Variants in SLC15A3 observed in about 807,000 individuals in gnomAD.
SLC15A3 encodes solute carrier family 15 member 3.
Under a neutral mutation model 49.2 loss-of-function variants are expected in SLC15A3, and 39 were observed. That is an observed-to-expected ratio of 0.79 (90% CI 0.61 to 1.04). SLC15A3 has a LOEUF of 1.04. SLC15A3 is among the 50% of genes least tolerant of loss of function. SLC15A3 has a pLI of 0.00. For missense variants in SLC15A3, 758 were observed against 794.8 expected (o/e 0.95, Z 0.56); for synonymous variants, 339 against 367.0 (o/e 0.92, Z 0.87).
chr11:60,949,974 C>T (rs532864259), intron 1 of SLC15A3, among the ~76,000 whole-genome samples: 20 of 152,202 alleles, frequency 1.3e-4, no homozygotes, highest in Admixed American at 2.6e-4. Flanking sequence ...GTCTAATATC[C>T]CACTGGGAAC....
chr11:60,938,978 C>A (rs139908697), intron 6 of SLC15A3, among the ~76,000 whole-genome samples: 2 of 152,196 alleles, frequency 1.3e-5, no homozygotes, highest in African/African-American at 4.8e-5. Context: ...AGCCTTGCAG[C>A]TCTAGCTCCC....
At chr11:60,941,874 C>T in intron 4 of SLC15A3, 161 bp downstream of exon 4, 1 of 688,984 alleles carries the variant, frequency 1.5e-6, no homozygotes, top group East Asian at 2.6e-5. Context: ...GATCCCTGCG[C>T]TGTGACACAA....
intron 7 of SLC15A3, chr11:60,937,653 G>A (rs1336481285): frequency 3.3e-5 from 23 of 693,746 alleles, no homozygotes; most frequent in Non-Finnish European, 5.3e-5. Context: ...GCAGAAAGGA[G>A]CCTTGGAGGT....
intron 6 of SLC15A3, among the ~76,000 whole-genome samples, chr11:60,938,554 T>C (rs1856660137): frequency 6.6e-6 from 1 of 152,098 alleles, no homozygotes; most frequent in Non-Finnish European, 1.5e-5. Flanking sequence ...GATGGGGTCC[T>C]TTCCCGGCCA....
At chr11:60,949,366 A>AAGAAAGAGAAAGAAAGAGAGAGAG (rs1429200581) in intron 1 of SLC15A3, among the ~76,000 whole-genome samples, 13 of 136,940 alleles carry the variant, frequency 9.5e-5, no homozygotes, top group African/African-American at 3.9e-4. Context: ...GAAAGAAGGA[A>AAGAAAGAGAAAGAAAGAGAGAGAG]AGAAAGAGAA....
chr11:60,947,800 G>GCCAGGCC (rs1856826271), intron 1 of SLC15A3: 2 of 152,268 alleles, frequency 1.3e-5, no homozygotes, highest in South Asian at 4.1e-4. Flanking sequence ...ATCAGCAACA[G>GCCAGGCC]CCAGGCCCCA....
intron 3 of SLC15A3, chr11:60,942,981 CACACACAA>C (rs1204203163): frequency 4.5e-5 from 3 of 66,214 alleles, no homozygotes; most frequent in African/African-American, 1.3e-4. Flanking sequence ...CACACACACA[CACACACAA>C]ACACATCACT....
At chr11:60,938,082 C>A in intron 6 of SLC15A3, 57 bp from the exon 7 acceptor site, 2 of 1,566,212 alleles carry the variant, frequency 1.3e-6, no homozygotes, top group South Asian at 1.2e-5. Flanking sequence ...GAGAACAGGC[C>A]CAGGCCCCTG....
chr11:60,949,682 G>C (rs1445816000), intron 1 of SLC15A3, among the ~76,000 whole-genome samples: 1 of 152,258 alleles, frequency 6.6e-6, no homozygotes, highest in Non-Finnish European at 1.5e-5. Context: ...GTGCTGAATT[G>C]TGGGTGCCAA....
At chr11:60,950,798 AAAAC>A (rs146241362) in intron 1 of SLC15A3, among the ~76,000 whole-genome samples, 192 bp downstream of exon 1, 2,468 of 152,308 alleles carry the variant, frequency 0.016, 30 homozygotes, top group Non-Finnish European at 0.026. Flanking sequence ...CTCAAAAAAT[AAAAC>A]AAACAAAAAA....
At position 60,941,340 on chromosome 11, in the gene SLC15A3, T is replaced by G. The variant is rs755666415; in HGVS notation, c.1108-50A>C. On this transcript the variant is annotated intron_variant, in intron 4 of 7. Transcript: ENST00000227880. ...GCAGGCTAGCAGAGTGCAAGGAGCC[T>G]GGCTGCAGTCAGGAGACCTGGACTC... The G allele has an allele frequency of 2.6e-6, 4 of 1,564,416 alleles. No homozygotes were observed. The Admixed American group carries it at 7.4e-5, about 29-fold the overall frequency.
rs768242170 is a variant in SLC15A3 at position 60,951,347 on chromosome 11, C to G, written c.205G>C (p.Gly69Arg). Residue 69 changes from glycine (G) to arginine (R), a missense_variant, in exon 1 of 8, where the codon GGC (glycine) becomes CGC (arginine). Physicochemically the swap from Gly to Arg is moderately radical, Grantham distance 125. This residue lies in a region of SLC15A3 where 699 missense variants were observed against 706.7 expected (regional missense o/e 0.99). Coordinates refer to ENST00000227880, the MANE Select transcript of SLC15A3 (RefSeq NM_016582.3). ...AGCGCGGCGCGCGTCGCCTGCTCGC[C>G]GGTCCAGTTGAAGTTGGTGCTGTTG... The part of the protein sequence containing the change: ...YLNSTNFNWT[G>R]EQATRAALVF... The G allele has an allele frequency of 1.9e-6, 3 of 1,547,106 alleles. No homozygotes were observed. Among genetic ancestry groups the G allele is most frequent in the East Asian group, 2.6e-5 (1 of 38,182 alleles).
Position 60,938,035 on chromosome 11 carries a change from G to A in SLC15A3, c.1436-10C>T, listed in dbSNP as rs746000783. The A allele has an allele frequency of 7.4e-6, 12 of 1,613,122 alleles. No homozygotes were observed. In the East Asian group the frequency reaches 2.5e-4, roughly 33 times the overall value. ...TAGGCAAACTCCAGGCCTGCAGAGG[G>A]GGAGCAGAGACGATCTCAGGGGCTG... On this transcript the variant is annotated splice_polypyrimidine_tract_variant and intron_variant, in intron 6 of 7. Transcript: ENST00000227880.
chr11:60,946,505 C>T (rs770491619), intron 2 of SLC15A3, 27 bp downstream of exon 2: 2 of 1,525,748 alleles, frequency 1.3e-6, no homozygotes, highest in Admixed American at 4.2e-5. Flanking sequence ...GGCTTGGAGG[C>T]TCCCTGCACC....
intron 1 of SLC15A3, among the ~76,000 whole-genome samples, chr11:60,949,044 G>C (rs1424106603): frequency 6.6e-6 from 1 of 152,142 alleles, no homozygotes; most frequent in South Asian, 2.1e-4. Flanking sequence ...AGTAAGAAAC[G>C]GTCAGGGCTG....
rs1565126545 is a variant in SLC15A3, at chr11:60,941,270, G to A, written c.1128C>T (p.Leu376=). The change falls in exon 5 of 8, where the codon CTC becomes CTT. Residue 376 remains leucine, a synonymous_variant. Coordinates refer to ENST00000227880, the MANE Select transcript of SLC15A3 (RefSeq NM_016582.3). ...SSYTIPEAWL[L]LANVVVVLIL... ...TCAGCACCACCACAACATTGGCCAGGAGGAGCCAGGCTTCCGGGATCTGGG... is the reference window on the plus strand; with the variant it reads ...TCAGCACCACCACAACATTGGCCAGAAGGAGCCAGGCTTCCGGGATCTGGG... 2 of 1,613,782 alleles carry A rather than the reference G, an allele frequency of 1.2e-6. No homozygotes were observed. The highest frequency in any genetic ancestry group is 1.7e-6 in the Non-Finnish European group (2 of 1,179,902).
At chr11:60,941,070 A>G (rs2134926205) in intron 5 of SLC15A3, 52 bp downstream of exon 5, 1 of 1,556,904 alleles carries the variant, frequency 6.4e-7, no homozygotes, top group South Asian at 1.2e-5. Context: ...TGGTGGAAGC[A>G]GACTTCCCCA....
chr11:60,937,302 G>A lies in SLC15A3; in HGVS notation c.1663C>T (p.Leu555=), dbSNP rs1021321852. The change falls in exon 8 of 8, where the codon CTA becomes TTA. Residue 555 remains leucine, a synonymous_variant. Coordinates refer to ENST00000227880, the MANE Select transcript of SLC15A3 (RefSeq NM_016582.3). ...LAGIQAVTAL[L]FVWIAGRYER... is the part of the protein sequence containing the mutation. ...TAGCGTCCAGCGATCCAGACAAATA[G>A]GAGAGCCGTGACGGCCTGAATGCCA... 6.2e-7 allele frequency: 1 copy of A among 1,614,166 alleles called. No individual in the cohort carries two copies. The highest frequency in any genetic ancestry group is 2.2e-5 in the East Asian group (1 of 44,864).
chr11:60,939,691 C>A, intron 5 of SLC15A3, 53 bp from the exon 6 acceptor site: 1 of 1,593,040 alleles, frequency 6.3e-7, no homozygotes, highest in Non-Finnish European at 8.6e-7. Flanking sequence ...GGCAGCTTAG[C>A]CCACAGAAGA....
Sources: allele counts gnomAD v4.1 joint callset (sites outside exome capture counted in the v4.1 genomes callset), GRCh38; gene constraint gnomAD v4.1.1; regional missense constraint gnomAD v4.1.1; transcripts MANE v1.5; gene names NCBI Gene and HGNC (gene_info 2026-07-23, HGNC 2026-07-21).